The following NTNG1 variants were observed in gnomAD, a reference collection of about 807,000 sequenced individuals.
NTNG1 encodes netrin-G1.
In NTNG1, 16 loss-of-function variants were observed where a neutral mutation model predicts 54.0. That is an observed-to-expected ratio of 0.30 (90% CI 0.20 to 0.45). NTNG1 has a LOEUF of 0.45. Among genes scored for constraint, NTNG1 ranks in the 20% least tolerant of loss-of-function variants. The pLI is 1.00. For missense variants in NTNG1, 530 were observed against 678.7 expected, an observed-to-expected ratio of 0.78 and a Z score of 2.43; for synonymous variants, 255 against 263.1, an observed-to-expected ratio of 0.97 and a Z score of 0.30.
At chr1:107,370,758 C>A (rs951359025) in intron 3 of NTNG1, among the ~76,000 whole-genome samples, 1 of 151,994 alleles carries the variant, frequency 6.6e-6, no homozygotes, top group Non-Finnish European at 1.5e-5. Flanking sequence ...TTTAGATTTT[C>A]TTTAATTTGC....
At chr1:107,426,472 G>A (rs1271107558) in intron 5 of NTNG1, among the ~76,000 whole-genome samples, 1 of 152,048 alleles carries the variant, frequency 6.6e-6, no homozygotes, top group African/African-American at 2.4e-5. Context: ...AAGGTCAGAG[G>A]TTGTAGGGTA....
chr1:107,267,961 G>A (rs1557857147), intron 2 of NTNG1, among the ~76,000 whole-genome samples: 1 of 152,098 alleles, frequency 6.6e-6, no homozygotes, highest in Non-Finnish European at 1.5e-5. Flanking sequence ...TTCCCATACT[G>A]TGGATAAATT....
intron 2 of NTNG1, among the ~76,000 whole-genome samples, chr1:107,306,747 T>C (rs1018201715): frequency 1.5e-4 from 22 of 143,926 alleles, no homozygotes; most frequent in African/African-American, 5.9e-4. Flanking sequence ...CAAGACTCCA[T>C]CGCAAAAAAA....
chr1:107,260,728 A>G (rs1663258667), intron 2 of NTNG1: 1 of 152,174 alleles, frequency 6.6e-6, no homozygotes, highest in Non-Finnish European at 1.5e-5. Context: ...CATTATTACC[A>G]AATAATACTA....
intron 2 of NTNG1, among the ~76,000 whole-genome samples, chr1:107,314,934 G>T (rs1161430542): frequency 2.6e-5 from 4 of 152,182 alleles, no homozygotes; most frequent in Non-Finnish European, 5.9e-5. Flanking sequence ...ATGAAGAAAT[G>T]AGCAAAACAT....
At chr1:107,476,621 T>G (rs1265127495) in intron 7 of NTNG1, among the ~76,000 whole-genome samples, 2 of 152,188 alleles carry the variant, frequency 1.3e-5, no homozygotes, top group East Asian at 3.9e-4. Context: ...ATAACCTGTC[T>G]CCAAATCTTT....
intron 2 of NTNG1, among the ~76,000 whole-genome samples, chr1:107,174,389 ATG>A (rs961249102): frequency 6.6e-6 from 1 of 151,994 alleles, no homozygotes; most frequent in African/African-American, 2.4e-5. Context: ...TTGTGCTAAA[ATG>A]TGTGTGTGTT....
At chr1:107,395,804 T>G (rs1399203729) in intron 4 of NTNG1, among the ~76,000 whole-genome samples, 1 of 152,208 alleles carries the variant, frequency 6.6e-6, no homozygotes, top group East Asian at 1.9e-4. Context: ...GACCTAACTT[T>G]GCCTTGTGAA....
chr1:107,168,169 C>G (rs993259144), intron 2 of NTNG1, among the ~76,000 whole-genome samples: 1 of 151,938 alleles, frequency 6.6e-6, no homozygotes, highest in Non-Finnish European at 1.5e-5. Context: ...TCCCCGCATC[C>G]CCCTTATTTC....
At chr1:107,173,614 C>A (rs1656418573) in intron 2 of NTNG1, among the ~76,000 whole-genome samples, 1 of 151,986 alleles carries the variant, frequency 6.6e-6, no homozygotes, top group Non-Finnish European at 1.5e-5. Flanking sequence ...AAGATGATAC[C>A]AATCTGGTGA....
At chr1:107,237,555 T>G (rs1485875341) in intron 2 of NTNG1, among the ~76,000 whole-genome samples, 1 of 152,158 alleles carries the variant, frequency 6.6e-6, no homozygotes, top group African/African-American at 2.4e-5. Flanking sequence ...ATGGCAGTCC[T>G]TCCCATCACA....
chr1:107,179,806 A>G (rs1270781397), intron 2 of NTNG1, among the ~76,000 whole-genome samples: 1 of 152,046 alleles, frequency 6.6e-6, no homozygotes, highest in Non-Finnish European at 1.5e-5. Context: ...TTCCTGAGTT[A>G]TCTCCATTTC....
rs142399321 is a variant in NTNG1 at position 107,252,771 on chromosome 1, G to T, written c.247-71511G>T. Among the ~76,000 whole-genome samples, 17 of 152,258 alleles carry T rather than the reference G, an allele frequency of 1.1e-4. No individual in the cohort carries two copies. In the East Asian group the frequency reaches 1.2e-3, roughly 10 times the overall value. ...TACTGGCTCAGGTGGAATATGGTTT[G>T]GTTCCCTAGATTAAGTGCCCCCTTC... On this transcript the variant is annotated intron_variant, in intron 2 of 7. Coordinates refer to ENST00000370068, the MANE Select transcript of NTNG1 (RefSeq NM_001113226.3).
At chr1:107,387,805 G>A (rs1484099033) in intron 3 of NTNG1, among the ~76,000 whole-genome samples, 2 of 152,180 alleles carry the variant, frequency 1.3e-5, no homozygotes, top group Admixed American at 6.5e-5. Context: ...AGGATGAGGT[G>A]AAATAATGTA....
chr1:107,218,684 T>C (rs1660134290), intron 2 of NTNG1, among the ~76,000 whole-genome samples: 1 of 152,200 alleles, frequency 6.6e-6, no homozygotes, highest in South Asian at 2.1e-4. Context: ...TGTTTGTCTG[T>C]AAAAGACTAT....
intron 2 of NTNG1, among the ~76,000 whole-genome samples, chr1:107,314,028 A>G (rs1013776397): frequency 6.6e-6 from 1 of 152,180 alleles, no homozygotes; most frequent in African/African-American, 2.4e-5. Context: ...CAAATTTTAA[A>G]AAATTATTCT....
chr1:107,271,984 A>G lies in NTNG1; in HGVS notation c.247-52298A>G, dbSNP rs3125679. Among the ~76,000 whole-genome samples the G allele has an allele frequency of 8.4e-3, 1,279 of 152,284 alleles. 13 individuals carry two copies. The highest frequency in any genetic ancestry group is 0.029 in the African/African-American group (1,213 of 41,570). ...ACAATGATTCAGAGTTTTAAGCTAA[A>G]ACTGTCTCTTCTAGTTAAAATACCC... On this transcript the variant is annotated intron_variant, in intron 2 of 7. Transcript: ENST00000370068.
intron 3 of NTNG1, among the ~76,000 whole-genome samples, chr1:107,359,301 G>A (rs1420239540): frequency 6.6e-6 from 1 of 152,132 alleles, no homozygotes; most frequent in African/African-American, 2.4e-5. Flanking sequence ...ACAGCCTGAA[G>A]CAATACAGCA....
chr1:107,482,866 T>C lies in NTNG1; in HGVS notation c.*2026T>C, dbSNP rs1389391556. 2 of 152,240 alleles carry C rather than the reference T, an allele frequency of 1.3e-5. No homozygotes were observed. The highest frequency in any genetic ancestry group is 4.8e-5 in the African/African-American group (2 of 41,470). The allele number at this position is 152,240 out of a possible 1,614,324, so 9.4% of individuals were successfully genotyped here. Reference sequence around the variant, plus strand: ...CAATAAAAGGTAAACAGGTAATGCCTGTGCTGCCTGCCACCCCACGTCTAA... The same window carrying C: ...CAATAAAAGGTAAACAGGTAATGCCCGTGCTGCCTGCCACCCCACGTCTAA... On this transcript the variant is annotated 3_prime_UTR_variant, in exon 8 of 8. Coordinates refer to ENST00000370068, the MANE Select transcript of NTNG1 (RefSeq NM_001113226.3).
Sources: allele counts gnomAD v4.1 joint callset (sites outside exome capture counted in the v4.1 genomes callset), GRCh38; gene constraint gnomAD v4.1.1; transcripts MANE v1.5; gene names NCBI Gene and HGNC (gene_info 2026-07-23, HGNC 2026-07-21).